The following KLHL4 variants were observed in gnomAD, a reference collection of about 807,000 sequenced individuals.
The protein encoded by KLHL4 is kelch like family member 4.
Under a neutral mutation model 45.8 loss-of-function variants are expected in KLHL4, and 17 were observed. The ratio of observed to expected loss-of-function variants is 0.37; its 90% CI spans 0.25 to 0.56. The LOEUF is 0.56. KLHL4 is among the 20% of genes least tolerant of loss of function. KLHL4 has a pLI of 0.79. For missense variants in KLHL4, 544 were observed against 544.9 expected, an observed-to-expected ratio of 1.00 and a Z score of 0.02; for synonymous variants, 224 against 189.9, an observed-to-expected ratio of 1.18 and a Z score of -1.47.
rs187184018 is a variant in KLHL4, at chrX:87,547,638, C to T, written c.422+29323C>T. Among the ~76,000 whole-genome samples the T allele has an allele frequency of 3.6e-3, 393 of 110,200 alleles. 6 individuals are homozygous for T. In the South Asian group the frequency reaches 0.049, roughly 14 times the overall value. On this transcript the variant is annotated intron_variant, in intron 1 of 10. Transcript: ENST00000373119. ...GAGATCGAGACCATCCTGGCTAACA[C>T]GTGAAACCCTGTCTCTACTAAAAGT...
chrX:87,601,634 G>T (rs1181000358), intron 1 of KLHL4, among the ~76,000 whole-genome samples: 2 of 111,469 alleles, frequency 1.8e-5, no homozygotes, highest in Non-Finnish European at 3.8e-5. Context: ...GGCACAGGCT[G>T]TGATCATTTA....
At chrX:87,537,441 CAAT>C (rs899792025) in intron 1 of KLHL4, among the ~76,000 whole-genome samples, 8 of 110,696 alleles carry the variant, frequency 7.2e-5, no homozygotes, top group African/African-American at 2.6e-4. Flanking sequence ...GAAATTACAA[CAAT>C]GATTCGATGA....
At position 87,664,816 on chromosome X, in the gene KLHL4, C is replaced by T; in HGVS notation, c.1978C>T (p.Arg660Ter). ...AACTGTGGCACCTCTGAGTGTTCCT[C>T]GAGATGCTGTTGCTGTGTGCCCTCT... ...WSTVAPLSVPRDAVAVCPLGD... is the reference protein window; with the variant it reads ...WSTVAPLSVP Residue 660 changes from arginine (R) to a stop codon, truncating the protein, a stop_gained, in exon 10 of 11, where the codon CGA (arginine) becomes TGA (stop). Transcript: ENST00000373119. LOFTEE classifies it high-confidence loss of function. The T allele has an allele frequency of 1.7e-6, 2 of 1,203,425 alleles. No individual in the cohort carries two copies. Among genetic ancestry groups the T allele is most frequent in the Non-Finnish European group, 2.3e-6 (2 of 888,780 alleles).
intron 9 of KLHL4, among the ~76,000 whole-genome samples, chrX:87,636,389 A>C (rs1054653905): frequency 9.8e-5 from 11 of 112,004 alleles, no homozygotes; most frequent in African/African-American, 3.6e-4. Context: ...GCTCCCACTC[A>C]TATAGACAGA....
chrX:87,663,813 TGTG>T (rs1392032116), intron 9 of KLHL4, among the ~76,000 whole-genome samples: 1 of 112,201 alleles, frequency 8.9e-6, no homozygotes, highest in African/African-American at 3.2e-5. Flanking sequence ...AAATTGTAGA[TGTG>T]AGAGCAATTT....
intron 3 of KLHL4, 81 bp from the exon 4 acceptor site, chrX:87,617,850 AT>A: frequency 1.2e-6 from 1 of 842,367 alleles, no homozygotes; most frequent in South Asian, 2.9e-5. Flanking sequence ...AGAGAGGAAA[AT>A]AAAAAAAAAA....
At chrX:87,558,480 T>C (rs1233572242) in intron 1 of KLHL4, among the ~76,000 whole-genome samples, 2 of 111,987 alleles carry the variant, frequency 1.8e-5, no homozygotes, top group Non-Finnish European at 3.8e-5. Flanking sequence ...TTATTACGTG[T>C]ATATTTAAGC....
chrX:87,551,536 A>G (rs913137480), intron 1 of KLHL4, among the ~76,000 whole-genome samples: 2 of 104,547 alleles, frequency 1.9e-5, no homozygotes, highest in African/African-American at 7.1e-5. Context: ...GAGCCTGCAT[A>G]GCCAAAGCAA....
intron 1 of KLHL4, among the ~76,000 whole-genome samples, chrX:87,569,325 T>C (rs1409421923): frequency 9.0e-6 from 1 of 111,270 alleles, no homozygotes; most frequent in Admixed American, 9.6e-5. Context: ...ATAACAAGTA[T>C]TGGCATCAAT....
At chrX:87,577,970 TA>T (rs1431947731) in intron 1 of KLHL4, among the ~76,000 whole-genome samples, 4 of 111,682 alleles carry the variant, frequency 3.6e-5, no homozygotes, top group Admixed American at 1.9e-4. Flanking sequence ...AATATGATTA[TA>T]AAAAATTATA....
intron 8 of KLHL4, 63 bp from the exon 9 acceptor site, chrX:87,635,500 G>T: frequency 1.2e-6 from 1 of 853,113 alleles, no homozygotes. Context: ...TTCTATGCAT[G>T]CATTTTGTGT....
At chrX:87,531,039 CA>C (rs895988744) in intron 1 of KLHL4, among the ~76,000 whole-genome samples, 1 of 112,275 alleles carries the variant, frequency 8.9e-6, no homozygotes, top group Non-Finnish European at 1.9e-5. Context: ...AGCATTTTTT[CA>C]TGTGTCCTTT....
chrX:87,632,726 T>C (rs1418953409), intron 7 of KLHL4, among the ~76,000 whole-genome samples: 1 of 111,506 alleles, frequency 9.0e-6, no homozygotes, highest in Non-Finnish European at 1.9e-5. Flanking sequence ...AGCTTTCTTC[T>C]AAGCTCAATT....
rs201951839 is a variant in KLHL4 at position 87,635,718 on chromosome X, G to C, written c.1868G>C (p.Gly623Ala). The change falls in exon 9 of 11, where the codon GGG becomes GCG. Residue 623 changes from glycine to alanine, a missense_variant. Gly to Ala is a moderately conservative substitution (Grantham distance 60). Coordinates refer to ENST00000373119, the MANE Select transcript of KLHL4 (RefSeq NM_019117.5). Reference sequence around the variant, plus strand: ...TACAATGGATTCTTATATGTTGTAGGGGGGCATGATGCCCCTGCTTCCAAC... The same window carrying C: ...TACAATGGATTCTTATATGTTGTAGCGGGGCATGATGCCCCTGCTTCCAAC... ...ATYNGFLYVVGGHDAPASNHC... is the reference protein window; with the variant it reads ...ATYNGFLYVVAGHDAPASNHC... 61 of 1,203,658 alleles carry C rather than the reference G, an allele frequency of 5.1e-5. No individual in the cohort carries two copies. Among genetic ancestry groups the C allele is most frequent in the Non-Finnish European group, 5.4e-5 (48 of 890,858 alleles).
chrX:87,641,839 C>T (rs754907955), intron 9 of KLHL4, among the ~76,000 whole-genome samples: 15 of 110,404 alleles, frequency 1.4e-4, no homozygotes, highest in Non-Finnish European at 1.5e-4. Context: ...TACACAGCTC[C>T]GGTGACCCGG....
chrX:87,574,261 T>C (rs1179347661), intron 1 of KLHL4, among the ~76,000 whole-genome samples: 8 of 111,702 alleles, frequency 7.2e-5, no homozygotes, highest in Non-Finnish European at 1.3e-4. Flanking sequence ...ATAGAACAAG[T>C]GCTAAAGAAG....
chrX:87,633,625 A>G, intron 7 of KLHL4, 124 bp from the exon 8 acceptor site: 2 of 474,469 alleles, frequency 4.2e-6, no homozygotes, highest in Non-Finnish European at 7.0e-6. Context: ...AACTATTCAT[A>G]TGTATGCAAA....
intron 1 of KLHL4, among the ~76,000 whole-genome samples, chrX:87,604,060 G>T (rs1300897632): frequency 9.1e-6 from 1 of 110,413 alleles, no homozygotes; most frequent in Non-Finnish European, 1.9e-5. Flanking sequence ...TTCATAAGCG[G>T]CAGGATTTTA....
At chrX:87,579,731 T>C (rs901402461) in intron 1 of KLHL4, among the ~76,000 whole-genome samples, 2 of 111,870 alleles carry the variant, frequency 1.8e-5, no homozygotes, top group Non-Finnish European at 3.8e-5. Flanking sequence ...ATACTATACC[T>C]GGCAAAACTG....
Sources: allele counts gnomAD v4.1 joint callset (sites outside exome capture counted in the v4.1 genomes callset), GRCh38; gene constraint gnomAD v4.1.1; transcripts MANE v1.5; gene names NCBI Gene and HGNC (gene_info 2026-07-23, HGNC 2026-07-21).